PVT1: variants seen among roughly 807,000 people sequenced by gnomAD.
PVT1 encodes CXCR4/PVT1 fusion.
At chr8:127,843,990 A>AT (rs887143088) in intron 2 of PVT1, among the ~76,000 whole-genome samples, 141 of 147,060 alleles carry the variant, frequency 9.6e-4, no homozygotes, top group Non-Finnish European at 1.6e-3. Context: ...CATTATTATT[A>AT]TTTTTTTTTT....
intron 2 of PVT1, among the ~76,000 whole-genome samples, chr8:127,828,900 G>T (rs554417044): frequency 1.3e-5 from 2 of 152,092 alleles, no homozygotes; most frequent in African/African-American, 4.8e-5. Flanking sequence ...TGGATCTTTT[G>T]CTGAGAATGC....
intron 2 of PVT1, among the ~76,000 whole-genome samples, chr8:127,868,512 A>G (rs976758396): frequency 2.0e-4 from 30 of 151,884 alleles, no homozygotes; most frequent in African/African-American, 7.2e-4. Context: ...CTCGGCTTCC[A>G]GAGTAGCTGG....
chr8:128,075,449 TTA>T (rs1491105756), intron 5 of PVT1, among the ~76,000 whole-genome samples: 9 of 151,586 alleles, frequency 5.9e-5, no homozygotes, highest in Admixed American at 2.6e-4. Flanking sequence ...TCTCCTTTTT[TTA>T]AAAAAAAATC....
intron 2 of PVT1, among the ~76,000 whole-genome samples, chr8:127,830,489 G>A (rs1009047198): frequency 3.9e-5 from 6 of 151,918 alleles, no homozygotes; most frequent in East Asian, 1.9e-4. Flanking sequence ...CAAAGAAAGC[G>A]GAGAGAAAAA....
chr8:127,984,842 TTTCTTTCTTTC>T lies in PVT1; in HGVS notation n.783-4317_783-4307del, dbSNP rs761536269. ...AGGCTGGTTTCTTTCTTTTCTTTTCTTTCTTTCTTTCTTTCTTTCTTTCTTTCTTTCTTTCT... is the reference window on the plus strand; with the variant it reads ...AGGCTGGTTTCTTTCTTTTCTTTTCTTTTCTTTCTTTCTTTCTTTCTTTCT... On this transcript the variant is annotated intron_variant and non_coding_transcript_variant, in intron 3 of 10. Coordinates refer to ENST00000651587, the Ensembl canonical transcript of PVT1. Among the ~76,000 whole-genome samples, 324 of 53,650 alleles carry T rather than the reference TTTCTTTCTTTC, an allele frequency of 6.0e-3. 16 individuals carry two copies. The highest frequency in any genetic ancestry group is 0.01 in the Middle Eastern group (1 of 98). The allele number at this position is 53,650 out of a possible 152,430, so 35.2% of individuals were successfully genotyped here.
chr8:127,944,302 G>T (rs375577700), intron 3 of PVT1, among the ~76,000 whole-genome samples: 1 of 152,156 alleles, frequency 6.6e-6, no homozygotes, highest in East Asian at 1.9e-4. Context: ...TGTAAGTCAT[G>T]AAGATCTAAA....
chr8:127,946,399 C>T (rs1816421420), intron 3 of PVT1, among the ~76,000 whole-genome samples: 1 of 152,198 alleles, frequency 6.6e-6, no homozygotes, highest in South Asian at 2.1e-4. Flanking sequence ...AAGCATCTTC[C>T]ATCTTTCAAA....
chr8:128,003,835 T>C (rs540398920), intron 4 of PVT1, among the ~76,000 whole-genome samples: 82 of 152,348 alleles, frequency 5.4e-4, no homozygotes, highest in African/African-American at 1.9e-3. Context: ...TCTCTGTCTT[T>C]GTCTATTTGG....
At chr8:127,916,037 G>A (rs1017636198) in intron 3 of PVT1, among the ~76,000 whole-genome samples, 1 of 152,218 alleles carries the variant, frequency 6.6e-6, no homozygotes, top group South Asian at 2.1e-4. Flanking sequence ...CCCACTTACA[G>A]GGGGGCAAAT....
At chr8:128,062,479 G>T (rs1327863009) in intron 4 of PVT1, among the ~76,000 whole-genome samples, 1 of 152,104 alleles carries the variant, frequency 6.6e-6, no homozygotes, top group East Asian at 1.9e-4. Flanking sequence ...CCCCTTAGAA[G>T]GTGGAAAGAA....
intron 4 of PVT1, among the ~76,000 whole-genome samples, chr8:128,033,320 T>A (rs1376899458): frequency 6.6e-6 from 1 of 152,134 alleles, no homozygotes; most frequent in Non-Finnish European, 1.5e-5. Context: ...CATGTGTGTG[T>A]GCATGTGTGT....
At chr8:128,059,505 A>G (rs1055987410) in intron 4 of PVT1, among the ~76,000 whole-genome samples, 2 of 152,260 alleles carry the variant, frequency 1.3e-5, no homozygotes, top group African/African-American at 4.8e-5. Context: ...TATGAAAATT[A>G]CATGAAATGA....
rs77436275 is a variant in PVT1, at chr8:127,899,883, T to C, written n.782+8885T>C. Among the ~76,000 whole-genome samples, 51 of 152,224 alleles carry C rather than the reference T, an allele frequency of 3.4e-4. No homozygotes were observed. The East Asian group carries it at 9.3e-3, about 28-fold the overall frequency. On this transcript the variant is annotated intron_variant and non_coding_transcript_variant, in intron 3 of 10. Transcript: ENST00000651587. ...CTATGGAGTTTCAGGGGGATCTCTG[T>C]ATAGTGTGAATATCTAGCTCTGAAA... is the stretch of plus-strand genomic sequence containing the variant.
chr8:127,975,157 A>AAAAAGGTTGGACAGATTGG (rs1816809883), intron 3 of PVT1, among the ~76,000 whole-genome samples: 2 of 152,164 alleles, frequency 1.3e-5, no homozygotes, highest in African/African-American at 4.8e-5. Context: ...TTCTTCTTGG[A>AAAAAGGTTGGACAGATTGG]AAATCTTTTG....
At chr8:128,065,477 C>T (rs966235984) in intron 4 of PVT1, among the ~76,000 whole-genome samples, 1 of 152,182 alleles carries the variant, frequency 6.6e-6, no homozygotes, top group Non-Finnish European at 1.5e-5. Context: ...TGAGCCACCA[C>T]GCCCAGCCAG....
intron 2 of PVT1, among the ~76,000 whole-genome samples, chr8:127,816,336 T>C (rs891457250): frequency 3.9e-5 from 6 of 152,080 alleles, no homozygotes; most frequent in Non-Finnish European, 7.4e-5. Flanking sequence ...TTTGTTGAGA[T>C]AGGATCTCAC....
chr8:127,885,661 G>C (rs1486274284), intron 2 of PVT1, among the ~76,000 whole-genome samples: 1 of 152,116 alleles, frequency 6.6e-6, no homozygotes. Flanking sequence ...TTTAGGGGTC[G>C]GGGGTGTAGG....
intron 2 of PVT1, among the ~76,000 whole-genome samples, chr8:127,856,376 C>T (rs932893610): frequency 6.7e-6 from 1 of 149,650 alleles, no homozygotes. Context: ...TTTTTTGAGA[C>T]GGAGTCTTGC....
chr8:127,798,432 T>C (rs947264298), intron 2 of PVT1, among the ~76,000 whole-genome samples: 1 of 152,084 alleles, frequency 6.6e-6, no homozygotes, highest in Non-Finnish European at 1.5e-5. Flanking sequence ...AGATACCTCA[T>C]GCTCTGCCTG....
Sources: allele counts gnomAD v4.1 joint callset (sites outside exome capture counted in the v4.1 genomes callset), GRCh38; gene constraint gnomAD v4.1.1; transcripts MANE v1.5; gene names NCBI Gene and HGNC (gene_info 2026-07-23, HGNC 2026-07-21).